The following LATS2 variants were observed in gnomAD, a reference collection of about 807,000 sequenced individuals.
LATS2 encodes large tumor suppressor kinase 2.
In LATS2, 24 loss-of-function variants were observed where a neutral mutation model predicts 76.0. The observed-to-expected ratio is 0.32, with a 90% CI of 0.23 to 0.44. The LOEUF (loss-of-function observed/expected upper bound fraction) is 0.44. LATS2 is among the 20% of genes least tolerant of loss of function. The pLI, the probability that LATS2 is intolerant of heterozygous loss-of-function variation, is 1.00. For missense variants in LATS2, 1,286 were observed against 1,481.2 expected, an observed-to-expected ratio of 0.87 and a Z score of 2.16; for synonymous variants, 692 against 635.4, an observed-to-expected ratio of 1.09 and a Z score of -1.34.
Position 20,987,976 on chromosome 13 carries a change from A to C in LATS2, c.1804T>G (p.Phe602Val). Residue 602 changes from phenylalanine (F) to valine (V), a missense_variant, in exon 4 of 8, where the codon TTT becomes GTT. This residue lies in a region of LATS2 where 710 missense variants were observed against 660.9 expected (regional missense o/e 1.07). Transcript: ENST00000382592. ...ACGTGCTGCTCCATGAAGAACTTAA[A>C]GGCGTATGGCGAGTAGCTCTTGATG... is the stretch of plus-strand genomic sequence containing the variant. ...SRIKSYSPYA[F>V]KFFMEQHVEN... The C allele has an allele frequency of 1.2e-6, 2 of 1,614,234 alleles. No homozygotes were observed. The highest frequency in any genetic ancestry group is 4.5e-5 in the East Asian group (2 of 44,892).
rs111632291 is a variant in LATS2, at chr13:20,980,555, C to T, written c.2666-758G>A. Among the ~76,000 whole-genome samples the T allele has an allele frequency of 2.0e-3, 306 of 152,282 alleles. 3 individuals are homozygous for T. Among genetic ancestry groups the T allele is most frequent in the African/African-American group, 6.6e-3 (273 of 41,556 alleles). ...CCCTCAGGCCCCTCTGCTATCTCTCCGTCCCACCTCTTCCTGTCCAAGTTT... is the reference window on the plus strand; with the variant it reads ...CCCTCAGGCCCCTCTGCTATCTCTCTGTCCCACCTCTTCCTGTCCAAGTTT... On this transcript the variant is annotated intron_variant, in intron 6 of 7. Coordinates refer to ENST00000382592, the MANE Select transcript of LATS2 (RefSeq NM_014572.3).
chr13:21,011,496 C>T (rs766368292), intron 2 of LATS2, among the ~76,000 whole-genome samples: 6 of 152,212 alleles, frequency 3.9e-5, no homozygotes, highest in Non-Finnish European at 8.8e-5. Flanking sequence ...TACAGTTCCT[C>T]AGGTCCAGCA....
In LATS2 at chr13:20,974,179, G is replaced by A. The variant is rs373167364; in HGVS notation, c.*691C>T. ...TCACAGGACCTGCTGTGAATGGCAA[G>A]ATATGGTAATTTTATAATAGAAGAA... On this transcript the variant is annotated 3_prime_UTR_variant, in exon 8 of 8. Transcript: ENST00000382592. 6 of 227,508 alleles carry A rather than the reference G, an allele frequency of 2.6e-5. No individual in the cohort carries two copies. Among genetic ancestry groups the A allele is most frequent in the Middle Eastern group, 1.3e-3 (1 of 756 alleles). 14.1% of individuals were successfully genotyped at this position (227,508 alleles called of 1,614,324 possible).
chr13:21,035,092 CA>C (rs1872650562), intron 2 of LATS2, among the ~76,000 whole-genome samples: 1 of 151,434 alleles, frequency 6.6e-6, no homozygotes, highest in Non-Finnish European at 1.5e-5. Flanking sequence ...CAAACAAAAC[CA>C]AAACAAAACA....
Position 20,981,479 on chromosome 13 carries a change from C to A in LATS2, c.2652G>T (p.Val884=). 2 of 1,613,362 alleles carry A rather than the reference C, an allele frequency of 1.2e-6. No homozygotes were observed. The highest frequency in any genetic ancestry group is 1.1e-5 in the South Asian group (1 of 90,976). ...VGTPNYIAPE[V]LLRKGYTQLC... is the part of the protein sequence containing the mutation. ...TGGCGCATGTACCTTTGCGGAGGAG[C>A]ACCTCGGGTGCGATGTAGTTTGGAG... The change falls in exon 6 of 8, where the codon GTG becomes GTT. Residue 884 remains valine (V), a synonymous_variant. Coordinates refer to ENST00000382592, the MANE Select transcript of LATS2 (RefSeq NM_014572.3).
chr13:21,043,351 C>G (rs111899656), intron 2 of LATS2, among the ~76,000 whole-genome samples: 5,360 of 151,804 alleles, frequency 0.035, 132 homozygotes, highest in Non-Finnish European at 0.052. Flanking sequence ...AAAAAAAGAA[C>G]TCTATTATAC....
At chr13:21,041,543 A>G (rs1441964612) in intron 2 of LATS2, among the ~76,000 whole-genome samples, 1 of 152,166 alleles carries the variant, frequency 6.6e-6, no homozygotes, top group Non-Finnish European at 1.5e-5. Context: ...CAGCTGACAC[A>G]ATATTCAGGA....
chr13:21,034,074 G>A (rs981074068), intron 2 of LATS2, among the ~76,000 whole-genome samples: 2 of 152,148 alleles, frequency 1.3e-5, no homozygotes, highest in African/African-American at 2.4e-5. Flanking sequence ...AAGTTTCTGA[G>A]CACTAATGAC....
In LATS2 at chr13:20,987,498, C is replaced by T. The variant is rs79164357; in HGVS notation, c.1899+383G>A. ...TTTTTCTTCCAAAATCCCACAATCT[C>T]AATTTACAAAACCTTAAACTTTGTT... is the stretch of plus-strand genomic sequence containing the variant. On this transcript the variant is annotated intron_variant, in intron 4 of 7. Transcript: ENST00000382592. 1.6e-3 allele frequency among the ~76,000 whole-genome samples: 250 copies of T among 152,298 alleles called. 4 individuals carry two copies. The highest frequency in any genetic ancestry group is 8.5e-3 in the East Asian group (44 of 5,196).
intron 1 of LATS2, among the ~76,000 whole-genome samples, chr13:21,048,869 T>A (rs1873165637): frequency 6.6e-6 from 1 of 150,592 alleles, no homozygotes; most frequent in Non-Finnish European, 1.5e-5. Flanking sequence ...AAAATAAAAA[T>A]AAAAAAAACC....
intron 2 of LATS2, among the ~76,000 whole-genome samples, chr13:21,006,693 A>G (rs1871278680): frequency 6.6e-6 from 1 of 152,242 alleles, no homozygotes; most frequent in African/African-American, 2.4e-5. Context: ...TCCATCAAAA[A>G]GATCCACTTA....
intron 1 of LATS2, among the ~76,000 whole-genome samples, chr13:21,060,712 C>A (rs1360464656): frequency 1.3e-5 from 2 of 151,484 alleles, no homozygotes. Context: ...GACTGCGGCA[C>A]CGCCGTGGGT....
At chr13:21,001,811 G>A (rs941383209) in intron 2 of LATS2, among the ~76,000 whole-genome samples, 1 of 152,076 alleles carries the variant, frequency 6.6e-6, no homozygotes, top group Non-Finnish European at 1.5e-5. Context: ...CCTGGCAGAT[G>A]GAGGTTGCGG....
At chr13:20,996,828 C>T (rs1253677001) in intron 2 of LATS2, among the ~76,000 whole-genome samples, 9 of 152,204 alleles carry the variant, frequency 5.9e-5, no homozygotes, top group Non-Finnish European at 5.9e-5. Context: ...CTGACGGGCT[C>T]TTACCTGGAG....
intron 2 of LATS2, among the ~76,000 whole-genome samples, chr13:20,999,632 A>G (rs1870953253): frequency 6.6e-6 from 1 of 151,936 alleles, no homozygotes; most frequent in Non-Finnish European, 1.5e-5. Context: ...TTTTTTAAAA[A>G]ATTTTTTTGT....
chr13:20,986,850 T>C (rs1451714429), intron 4 of LATS2, among the ~76,000 whole-genome samples: 1 of 151,462 alleles, frequency 6.6e-6, no homozygotes, highest in East Asian at 2.0e-4. Flanking sequence ...CCTATGCATG[T>C]AACAAAATAT....
chr13:21,003,246 A>T (rs1343463687), intron 2 of LATS2, among the ~76,000 whole-genome samples: 1 of 151,906 alleles, frequency 6.6e-6, no homozygotes, highest in Non-Finnish European at 1.5e-5. Context: ...TGTATTTTTA[A>T]ATTTATTATT....
intron 2 of LATS2, among the ~76,000 whole-genome samples, chr13:21,029,583 G>A (rs963083060): frequency 6.6e-6 from 1 of 152,140 alleles, no homozygotes; most frequent in Non-Finnish European, 1.5e-5. Context: ...ACGAGGTCAG[G>A]AGTTCGAGAC....
chr13:21,049,045 T>G (rs1338204029), intron 1 of LATS2, among the ~76,000 whole-genome samples: 6 of 151,286 alleles, frequency 4.0e-5, no homozygotes, highest in Non-Finnish European at 8.8e-5. Context: ...TAGACCTGAG[T>G]GTCAGGAGGA....
Sources: gnomAD v4.1 joint callset for allele counts (sites outside exome capture counted in the v4.1 genomes callset) on GRCh38, gnomAD v4.1.1 for gene constraint, gnomAD v4.1.1 regional missense constraint, MANE v1.5 for transcripts, NCBI Gene and HGNC (gene_info 2026-07-23, HGNC 2026-07-21) for gene names.